The following CARMIL1 variants were observed in gnomAD, a reference collection of about 807,000 sequenced individuals.
CARMIL1 encodes the protein F-actin-uncapping protein LRRC16A.
Under a neutral mutation model 177.1 loss-of-function variants are expected in CARMIL1, and 90 were observed. The ratio of observed to expected loss-of-function variants is 0.51; its 90% CI spans 0.43 to 0.61. The LOEUF (loss-of-function observed/expected upper bound fraction) is 0.61. Among genes scored for constraint, CARMIL1 ranks in the 20% least tolerant of loss-of-function variants. The pLI, the probability that CARMIL1 is intolerant of heterozygous loss-of-function variation, is 0.00. For missense variants in CARMIL1, 1,380 were observed against 1,667.0 expected (o/e 0.83, Z 3.00); for synonymous variants, 577 against 606.2 (o/e 0.95, Z 0.71).
intron 8 of CARMIL1, among the ~76,000 whole-genome samples, chr6:25,452,982 T>G: frequency 6.6e-6 from 1 of 152,238 alleles, no homozygotes; most frequent in East Asian, 1.9e-4. Context: ...TTGGTCTATC[T>G]TCTCCTTTGA....
At chr6:25,480,620 T>TA (rs1802002576) in intron 11 of CARMIL1, among the ~76,000 whole-genome samples, 1 of 144,036 alleles carries the variant, frequency 6.9e-6, no homozygotes. Context: ...TATATTTATA[T>TA]AATAATATTT....
intron 2 of CARMIL1, among the ~76,000 whole-genome samples, chr6:25,325,414 T>C (rs1784993133): frequency 6.6e-6 from 1 of 152,244 alleles, no homozygotes; most frequent in Non-Finnish European, 1.5e-5. Flanking sequence ...GACAATTTGC[T>C]TGCAGATTTT....
chr6:25,483,467 A>G (rs1426783755), intron 12 of CARMIL1, among the ~76,000 whole-genome samples: 1 of 152,146 alleles, frequency 6.6e-6, no homozygotes, highest in Non-Finnish European at 1.5e-5. Context: ...TACATATAGT[A>G]TGGTTTCTGT....
At chr6:25,583,827 C>A (rs189926224) in intron 31 of CARMIL1, among the ~76,000 whole-genome samples, 2 of 151,428 alleles carry the variant, frequency 1.3e-5, no homozygotes, top group Non-Finnish European at 2.9e-5. Flanking sequence ...GACAACCCCC[C>A]CCACCCGCCT....
chr6:25,379,124 TG>T (rs1791295972), intron 2 of CARMIL1, among the ~76,000 whole-genome samples: 1 of 152,214 alleles, frequency 6.6e-6, no homozygotes, highest in African/African-American at 2.4e-5. Context: ...AATAAGATAA[TG>T]CATACAAAGC....
chr6:25,431,357 T>C (rs1170617435), intron 4 of CARMIL1, among the ~76,000 whole-genome samples: 1 of 152,166 alleles, frequency 6.6e-6, no homozygotes, highest in Non-Finnish European at 1.5e-5. Context: ...TTTTTTGAGA[T>C]TTCATACAAA....
At position 25,606,308 on chromosome 6, in the gene CARMIL1, C is replaced by T. The variant is rs761336842; in HGVS notation, c.3847+35C>T. 2.6e-5 allele frequency: 42 copies of T among 1,592,168 alleles called. No individual in the cohort carries two copies. The Middle Eastern group carries it at 6.4e-4, about 24-fold the overall frequency. On this transcript the variant is annotated intron_variant, in intron 35 of 36. Coordinates refer to ENST00000329474, the MANE Select transcript of CARMIL1 (RefSeq NM_017640.6). The stretch of plus-strand genomic sequence containing the variant: ...TTGCAGTTAGGGAGTTGCATTGTGA[C>T]CAGGTGGCTTCCCAGAGCCAGCTGG...
At chr6:25,563,151 A>G (rs565925227) in intron 29 of CARMIL1, 270 of 819,410 alleles carry the variant, frequency 3.3e-4, no homozygotes, top group Admixed American at 9.3e-4. Context: ...AGTAGAGCCA[A>G]TAGTAAGTGA....
chr6:25,495,380 T>C (rs546557414), intron 16 of CARMIL1, among the ~76,000 whole-genome samples, 165 bp downstream of exon 16: 166 of 152,336 alleles, frequency 1.1e-3, no homozygotes, highest in Admixed American at 2.0e-3. Flanking sequence ...AAAAAGTACA[T>C]TGTGCACTAT....
At position 25,540,015 on chromosome 6, in the gene CARMIL1, A is replaced by G; in HGVS notation, c.2265A>G (p.Pro755=). 1 of 1,609,312 alleles carries G rather than the reference A, an allele frequency of 6.2e-7. No homozygotes were observed. The highest frequency in any genetic ancestry group is 8.5e-7 in the Non-Finnish European group (1 of 1,177,894). Residue 755 remains proline, a synonymous_variant, in exon 26 of 37, where the codon CCA becomes CCG. Coordinates refer to ENST00000329474, the MANE Select transcript of CARMIL1 (RefSeq NM_017640.6). ...GAGCCAGTGGCTTACTATCCAGTCCAATTCAGGAGACCCTGGAATCAATGG... is the reference window on the plus strand; with the variant it reads ...GAGCCAGTGGCTTACTATCCAGTCCGATTCAGGAGACCCTGGAATCAATGG... The part of the protein sequence containing the change: ...WAGASGLLSS[P]IQETLESMAG...
At chr6:25,477,087 C>CAAA (rs1162798140) in intron 11 of CARMIL1, among the ~76,000 whole-genome samples, 11 of 47,446 alleles carry the variant, frequency 2.3e-4, no homozygotes, top group African/African-American at 7.1e-4. Flanking sequence ...AATTCCGTCT[C>CAAA]AAAAAAAAAA....
intron 31 of CARMIL1, among the ~76,000 whole-genome samples, chr6:25,591,944 TC>T (rs546676456): frequency 5.7e-4 from 87 of 152,192 alleles, no homozygotes; most frequent in African/African-American, 2.0e-3. Context: ...GTACCCCACA[TC>T]CCCAGAGAAC....
intron 36 of CARMIL1, among the ~76,000 whole-genome samples, chr6:25,616,378 G>A (rs976288827): frequency 4.6e-5 from 7 of 152,026 alleles, no homozygotes; most frequent in African/African-American, 1.7e-4. Context: ...GACCAGCCTG[G>A]GCAACAAATG....
chr6:25,488,430 T>A (rs1802880224), intron 12 of CARMIL1, 52 bp from the exon 13 acceptor site: 1 of 1,317,636 alleles, frequency 7.6e-7, no homozygotes, highest in Admixed American at 1.7e-5. Flanking sequence ...AACACAAACC[T>A]CATTTTGTTT....
intron 8 of CARMIL1, among the ~76,000 whole-genome samples, chr6:25,464,927 G>A (rs1393092339): frequency 6.6e-6 from 1 of 152,130 alleles, no homozygotes; most frequent in African/African-American, 2.4e-5. Context: ...GGGATGAGTT[G>A]TGGGAGCTTA....
rs1432849827 is a variant in CARMIL1 at position 25,306,852 on chromosome 6, AACC to A, written c.138+21947_138+21949del. The stretch of plus-strand genomic sequence containing the variant: ...TGGATCATATGGCAGTTCTGTGTTT[AACC>A]ACCTGTTTCCTGCAGTGCCTTGGCT... On this transcript the variant is annotated intron_variant, in intron 2 of 36. Transcript: ENST00000329474. Among the ~76,000 whole-genome samples the A allele has an allele frequency of 6.1e-5, 9 of 148,670 alleles. No homozygotes were observed. The South Asian group carries it at 8.5e-4, about 14-fold the overall frequency.
intron 2 of CARMIL1, among the ~76,000 whole-genome samples, chr6:25,357,086 T>C (rs1162286092): frequency 1.3e-5 from 2 of 151,932 alleles, no homozygotes; most frequent in Non-Finnish European, 2.9e-5. Context: ...GTTTTTTTTT[T>C]TTTTTTGGCA....
At chr6:25,363,838 C>T (rs1052303455) in intron 2 of CARMIL1, among the ~76,000 whole-genome samples, 11 of 152,284 alleles carry the variant, frequency 7.2e-5, no homozygotes, top group East Asian at 5.8e-4. Flanking sequence ...AACGTGTTGC[C>T]TAACAGTATT....
intron 2 of CARMIL1, among the ~76,000 whole-genome samples, chr6:25,295,289 G>T (rs1782294761): frequency 6.6e-6 from 1 of 151,994 alleles, no homozygotes; most frequent in African/African-American, 2.4e-5. Flanking sequence ...TTTAATTTTT[G>T]AGGTCAAAGC....
Sources: gnomAD v4.1 joint callset for allele counts (sites outside exome capture counted in the v4.1 genomes callset) on GRCh38, gnomAD v4.1.1 for gene constraint, MANE v1.5 for transcripts, NCBI Gene and HGNC (gene_info 2026-07-23, HGNC 2026-07-21) for gene names.